Variants in SPATA16 observed in about 807,000 individuals in gnomAD.
The protein encoded by SPATA16 is spermatogenesis associated 16, also known as spermatogenesis-associated protein 16.
In SPATA16, 36 loss-of-function variants were observed where a neutral mutation model predicts 63.3. The observed-to-expected ratio is 0.57, with a 90% CI of 0.44 to 0.75. The LOEUF (loss-of-function observed/expected upper bound fraction) is 0.75. Among genes scored for constraint, SPATA16 ranks in the 30% least tolerant of loss-of-function variants. SPATA16 has a pLI of 0.00. For synonymous variants in SPATA16, 203 were observed against 216.7 expected, an observed-to-expected ratio of 0.94 and a Z score of 0.56; for missense variants, 646 against 679.3, an observed-to-expected ratio of 0.95 and a Z score of 0.54.
intron 4 of SPATA16, among the ~76,000 whole-genome samples, chr3:172,994,544 G>T (rs1160183844): frequency 6.6e-6 from 1 of 152,130 alleles, no homozygotes; most frequent in Non-Finnish European, 1.5e-5. Flanking sequence ...GTGTGTATGT[G>T]TGTGTGTGTG....
intron 6 of SPATA16, among the ~76,000 whole-genome samples, chr3:172,947,283 C>T (rs1454580673): frequency 6.6e-6 from 1 of 152,124 alleles, no homozygotes; most frequent in East Asian, 1.9e-4. Context: ...ATAAACACTT[C>T]TTTAATAACT....
intron 4 of SPATA16, among the ~76,000 whole-genome samples, chr3:173,015,369 T>C (rs1735158720): frequency 6.6e-6 from 1 of 152,178 alleles, no homozygotes; most frequent in Admixed American, 6.5e-5. Flanking sequence ...CAGCAGAAAA[T>C]TCTTTATCAA....
At chr3:173,005,327 GAAAAAAA>G (rs531594936) in intron 4 of SPATA16, among the ~76,000 whole-genome samples, 1,507 of 78,864 alleles carry the variant, frequency 0.019, 24 homozygotes, top group African/African-American at 0.06. Context: ...TGTCTCAAAA[GAAAAAAA>G]AAAAAAAAAA....
intron 4 of SPATA16, among the ~76,000 whole-genome samples, chr3:173,013,993 CT>C (rs1735126828): frequency 2.0e-5 from 3 of 152,132 alleles, no homozygotes; most frequent in African/African-American, 7.2e-5. Flanking sequence ...GTTTATTTCT[CT>C]TTCTTTTTAA....
At chr3:173,033,674 G>A (rs932650892) in intron 3 of SPATA16, among the ~76,000 whole-genome samples, 8 of 152,058 alleles carry the variant, frequency 5.3e-5, no homozygotes, top group East Asian at 3.9e-4. Context: ...TTTTCCATTC[G>A]CTGTGTTACT....
rs558167527 is a variant in SPATA16, at chr3:173,113,269, G to T, written c.612+3851C>A. On this transcript the variant is annotated intron_variant, in intron 2 of 10. Coordinates refer to ENST00000351008, the MANE Select transcript of SPATA16 (RefSeq NM_031955.6). ...TAGGCATGACAATATAAAATAATAT[G>T]AATTTGTGTTTTTATCTTCAGCTTA... 9.2e-5 allele frequency among the ~76,000 whole-genome samples: 14 copies of T among 152,228 alleles called. 1 individual carries two copies. In the South Asian group the frequency reaches 2.9e-3, roughly 32 times the overall value.
At chr3:173,124,143 G>T (rs1319153143) in intron 1 of SPATA16, among the ~76,000 whole-genome samples, 2 of 152,166 alleles carry the variant, frequency 1.3e-5, no homozygotes, top group Non-Finnish European at 2.9e-5. Context: ...ACTGACATTT[G>T]TCATGTTGGG....
intron 3 of SPATA16, among the ~76,000 whole-genome samples, chr3:173,039,922 C>CT (rs1242793389): frequency 3.9e-5 from 6 of 152,058 alleles, no homozygotes; most frequent in South Asian, 2.1e-4. Context: ...AGTGTGATCC[C>CT]TTTATCACAT....
chr3:173,047,745 AT>A (rs200825700), intron 3 of SPATA16, among the ~76,000 whole-genome samples: 12 of 151,792 alleles, frequency 7.9e-5, no homozygotes, highest in Middle Eastern at 3.4e-3. Context: ...ATATATCTTG[AT>A]TTTTTTTTAA....
At chr3:172,896,770 T>C (rs1286429900) in intron 10 of SPATA16, among the ~76,000 whole-genome samples, 26 of 152,182 alleles carry the variant, frequency 1.7e-4, no homozygotes, top group Non-Finnish European at 7.3e-5. Flanking sequence ...CAAATCTTTG[T>C]CATTTTCAAA....
chr3:172,939,282 T>C (rs1468313816), intron 6 of SPATA16, among the ~76,000 whole-genome samples: 1 of 152,134 alleles, frequency 6.6e-6, no homozygotes, highest in African/African-American at 2.4e-5. Flanking sequence ...TCTCCTACTA[T>C]AAACCTTGAT....
At chr3:172,973,477 C>T (rs2108248389) in intron 5 of SPATA16, among the ~76,000 whole-genome samples, 1 of 152,316 alleles carries the variant, frequency 6.6e-6, no homozygotes, top group South Asian at 2.1e-4. Context: ...CCTTTTCTCA[C>T]TTCACTTTGC....
chr3:173,069,584 C>G (rs957050911), intron 2 of SPATA16, among the ~76,000 whole-genome samples: 3 of 152,142 alleles, frequency 2.0e-5, no homozygotes, highest in Non-Finnish European at 4.4e-5. Context: ...CATTCCTACT[C>G]TAACTATTCT....
intron 4 of SPATA16, among the ~76,000 whole-genome samples, chr3:173,008,504 T>C (rs1734992654): frequency 6.6e-6 from 1 of 152,218 alleles, no homozygotes; most frequent in South Asian, 2.1e-4. Flanking sequence ...GTCTGATTAA[T>C]ATGAATTCTT....
intron 2 of SPATA16, among the ~76,000 whole-genome samples, chr3:173,083,122 CT>C (rs953868348): frequency 4.3e-4 from 65 of 150,598 alleles, no homozygotes; most frequent in African/African-American, 1.4e-3. Context: ...GTTTTATAGG[CT>C]TTTTTTTTAC....
intron 6 of SPATA16, among the ~76,000 whole-genome samples, chr3:172,927,587 A>G (rs1277990082): frequency 6.6e-6 from 1 of 152,134 alleles, no homozygotes; most frequent in Non-Finnish European, 1.5e-5. Flanking sequence ...GAAGCAGGGC[A>G]TATTATCAGG....
At chr3:172,950,198 C>T (rs1733397731) in intron 6 of SPATA16, among the ~76,000 whole-genome samples, 1 of 152,102 alleles carries the variant, frequency 6.6e-6, no homozygotes, top group South Asian at 2.1e-4. Flanking sequence ...TGATGGAGAC[C>T]AGAGGCAAAC....
chr3:172,945,590 C>T (rs920100484), intron 6 of SPATA16, among the ~76,000 whole-genome samples: 1 of 152,138 alleles, frequency 6.6e-6, no homozygotes, highest in African/African-American at 2.4e-5. Flanking sequence ...AGGGAGAATA[C>T]AGTAATTGTG....
chr3:173,022,077 C>A (rs1367084892), intron 3 of SPATA16, among the ~76,000 whole-genome samples: 2 of 151,892 alleles, frequency 1.3e-5, no homozygotes, highest in East Asian at 3.9e-4. Context: ...GAAGAGAAGG[C>A]ATCAGAGTTG....
Sources: gnomAD v4.1 joint callset for allele counts (sites outside exome capture counted in the v4.1 genomes callset) on GRCh38, gnomAD v4.1.1 for gene constraint, MANE v1.5 for transcripts, NCBI Gene and HGNC (gene_info 2026-07-23, HGNC 2026-07-21) for gene names.